Variants in AKAP13 observed in about 807,000 individuals in gnomAD.
AKAP13 encodes the protein A-kinase anchor protein 13.
AKAP13 carries 80 observed loss-of-function variants against 264.5 expected under a neutral mutation model. That is an observed-to-expected ratio of 0.30 (90% confidence interval 0.25 to 0.36). The LOEUF (loss-of-function observed/expected upper bound fraction) is 0.36, where lower values mean the gene tolerates loss of function less well. Among genes scored for constraint, AKAP13 ranks in the 10% least tolerant of loss-of-function variants. AKAP13 has a pLI of 1.00. For synonymous variants in AKAP13, 1,380 were observed against 1,250.2 expected (o/e 1.10, Z -2.19); for missense variants, 3,712 against 3,435.2 (o/e 1.08, Z -2.01).
At chr15:85,712,015 G>A (rs1406538837) in intron 19 of AKAP13, among the ~76,000 whole-genome samples, 10 of 152,040 alleles carry the variant, frequency 6.6e-5, no homozygotes, top group Admixed American at 6.6e-4. Context: ...TAATTTTTTT[G>A]TAGAGACGGG....
intron 30 of AKAP13, among the ~76,000 whole-genome samples, chr15:85,734,669 C>T (rs546095631): frequency 4.5e-4 from 68 of 152,366 alleles, no homozygotes; most frequent in Admixed American, 8.5e-4. Flanking sequence ...ATCCATCTTA[C>T]TTTCCAGGGA....
At position 85,658,408 on chromosome 15, in the gene AKAP13, C is replaced by A. The variant is rs1214258327; in HGVS notation, c.4746-129C>A. The A allele has an allele frequency of 1.2e-5, 8 of 682,726 alleles. No homozygotes were observed. In the African/African-American group the frequency reaches 1.3e-4, roughly 11 times the overall value. 42.3% of individuals were successfully genotyped at this position (682,726 alleles called of 1,614,324 possible). On this transcript the variant is annotated intron_variant, in intron 11 of 36. Transcript: ENST00000394518. ...ATGTTTTTCTCATTCCACATTCCTT[C>A]ATTCTCTTGCCTGTGCCATTTCTCT...
chr15:85,530,594 T>C (rs747035984), intron 3 of AKAP13, among the ~76,000 whole-genome samples: 6 of 152,216 alleles, frequency 3.9e-5, no homozygotes, highest in Non-Finnish European at 8.8e-5. Flanking sequence ...CATCATTGAA[T>C]TGTGAAATTT....
intron 17 of AKAP13, among the ~76,000 whole-genome samples, chr15:85,705,970 A>T (rs1301279497): frequency 6.6e-6 from 1 of 152,242 alleles, no homozygotes; most frequent in Non-Finnish European, 1.5e-5. Context: ...TATTCTCTTC[A>T]GCATTATATA....
intron 8 of AKAP13, among the ~76,000 whole-genome samples, chr15:85,604,617 C>T (rs7181464): frequency 0.6 from 91,615 of 151,750 alleles, 27,740 homozygotes; most frequent in Middle Eastern, 0.71. Flanking sequence ...GCACCTGCCA[C>T]CACTCCCAGC....
chr15:85,411,402 G>C (rs1350337419), intron 1 of AKAP13, among the ~76,000 whole-genome samples: 3 of 152,158 alleles, frequency 2.0e-5, no homozygotes, highest in Non-Finnish European at 4.4e-5. Flanking sequence ...TGGTTATCTT[G>C]AGGTAAAGCT....
At chr15:85,536,721 C>G (rs2077411921) in intron 4 of AKAP13, 1 of 152,134 alleles carries the variant, frequency 6.6e-6, no homozygotes, top group East Asian at 1.9e-4. Context: ...AAGTCAGTTT[C>G]CAAAGGTTCC....
At chr15:85,696,730 A>G (rs1321075343) in intron 17 of AKAP13, among the ~76,000 whole-genome samples, 1 of 152,234 alleles carries the variant, frequency 6.6e-6, no homozygotes, top group Non-Finnish European at 1.5e-5. Context: ...AAAAATTAAT[A>G]CATAGCTGAA....
intron 2 of AKAP13, among the ~76,000 whole-genome samples, chr15:85,509,473 T>G (rs1245812676): frequency 6.6e-6 from 1 of 152,174 alleles, no homozygotes; most frequent in East Asian, 1.9e-4. Flanking sequence ...TTCAGTGATT[T>G]AGGATTTTAG....
chr15:85,663,378 G>T (rs2083447859), intron 12 of AKAP13, among the ~76,000 whole-genome samples: 1 of 151,684 alleles, frequency 6.6e-6, no homozygotes, highest in African/African-American at 2.4e-5. Flanking sequence ...AGTTAGTCAT[G>T]ATTTCTATTA....
rs557186085 is a variant in AKAP13, at chr15:85,564,247, G to C, written c.663-10884G>C. On this transcript the variant is annotated intron_variant, in intron 5 of 36. Transcript: ENST00000394518. ...TTAACTTTGTATTTTGAAAAATTTT[G>C]AACTCAGAAAAGATGCAAGAAACGT... is the stretch of plus-strand genomic sequence containing the variant. 3.3e-5 allele frequency among the ~76,000 whole-genome samples: 5 copies of C among 152,112 alleles called. No homozygotes were observed. In the South Asian group the frequency reaches 8.3e-4, roughly 25 times the overall value.
At chr15:85,426,526 G>A (rs972094320) in intron 1 of AKAP13, among the ~76,000 whole-genome samples, 7 of 151,944 alleles carry the variant, frequency 4.6e-5, no homozygotes, top group African/African-American at 7.3e-5. Context: ...TGACAATTGC[G>A]CATATTTAAA....
At chr15:85,534,160 G>A (rs1447308655) in intron 4 of AKAP13, 3 of 422,744 alleles carry the variant, frequency 7.1e-6, no homozygotes, top group Non-Finnish European at 1.3e-5. Context: ...TCTCTCAAGT[G>A]TAGAAAGTGA....
chr15:85,653,738 G>T (rs2082973282), intron 10 of AKAP13, among the ~76,000 whole-genome samples: 1 of 152,018 alleles, frequency 6.6e-6, no homozygotes, highest in Admixed American at 6.6e-5. Flanking sequence ...TTGTGAAAAA[G>T]GGAAAAAGAA....
intron 1 of AKAP13, among the ~76,000 whole-genome samples, chr15:85,464,080 ACT>A (rs2074631223): frequency 6.6e-6 from 1 of 151,632 alleles, no homozygotes. Context: ...CCCGATGATC[ACT>A]CTTCCCTTTC....
chr15:85,744,001 A>G (rs2089254214), intron 36 of AKAP13, 176 bp downstream of exon 36: 1 of 703,508 alleles, frequency 1.4e-6, no homozygotes, highest in East Asian at 2.7e-5. Context: ...GCGAACATTA[A>G]GAACCCACTC....
rs754486488 is a variant in AKAP13, at chr15:85,727,101, G to A, written c.6858G>A (p.Leu2286=). The part of the protein sequence containing the change: ...QKSTVISLKK[L]IVREVAHEEK... ...CAACAGTGATCTCTTTAAAGAAGCT[G>A]ATTGTGAGAGAAGTGGCACATGAGG... Residue 2286 remains leucine (L), a synonymous_variant, in exon 28 of 37, where the codon CTG becomes CTA. Coordinates refer to ENST00000394518, the MANE Select transcript of AKAP13 (RefSeq NM_007200.5). The surrounding 1 kb of genome is among the most constrained non-coding windows in gnomAD (Gnocchi z 5.3). The A allele has an allele frequency of 2.5e-6, 4 of 1,614,218 alleles. No homozygotes were observed. Among genetic ancestry groups the A allele is most frequent in the Non-Finnish European group, 3.4e-6 (4 of 1,180,026 alleles).
intron 13 of AKAP13, among the ~76,000 whole-genome samples, chr15:85,669,437 A>G (rs990248484): frequency 2.6e-5 from 4 of 152,216 alleles, no homozygotes; most frequent in African/African-American, 9.6e-5. Flanking sequence ...GTTAGATGCT[A>G]TGAGGGATAC....
intron 1 of AKAP13, among the ~76,000 whole-genome samples, chr15:85,399,907 C>T (rs761946159): frequency 1.2e-4 from 19 of 152,140 alleles, no homozygotes; most frequent in African/African-American, 3.4e-4. Context: ...TGTGGCCATT[C>T]TGTTGCTTAT....
Sources: allele counts gnomAD v4.1 joint callset (sites outside exome capture counted in the v4.1 genomes callset), GRCh38; gene constraint gnomAD v4.1.1; non-coding constraint Gnocchi (gnomAD v3.1); transcripts MANE v1.5; gene names NCBI Gene and HGNC (gene_info 2026-07-23, HGNC 2026-07-21).